CTNNA3: variants seen among roughly 807,000 people sequenced by gnomAD.
CTNNA3 encodes the protein catenin alpha 3, also known as catenin alpha-3.
A neutral mutation model predicts 95.7 loss-of-function variants in CTNNA3; 76 were observed. The ratio of observed to expected loss-of-function variants is 0.79; its 90% confidence interval spans 0.66 to 0.96. The LOEUF (loss-of-function observed/expected upper bound fraction) is 0.96, where lower values mean the gene tolerates loss of function less well. Among genes scored for constraint, CTNNA3 ranks in the 40% least tolerant of loss-of-function variants. The probability of loss-of-function intolerance (pLI) is 0.00; values close to 1 mark genes in which losing one functional copy is unlikely to be tolerated. For missense variants in CTNNA3, 1,191 were observed against 1,089.8 expected, an observed-to-expected ratio of 1.09 and a Z score of -1.31; for synonymous variants, 431 against 374.4, an observed-to-expected ratio of 1.15 and a Z score of -1.74.
chr10:66,631,471 C>T (rs4746607), intron 9 of CTNNA3, among the ~76,000 whole-genome samples: 56,715 of 151,876 alleles, frequency 0.37, 10,771 homozygotes, highest in Middle Eastern at 0.51. Flanking sequence ...TGACTCATGA[C>T]TGAGAGATCT....
intron 5 of CTNNA3, among the ~76,000 whole-genome samples, chr10:67,353,243 T>C (rs1013616169): frequency 2.0e-5 from 3 of 151,930 alleles, no homozygotes; most frequent in Admixed American, 1.3e-4. Context: ...TCCCACTGCA[T>C]GCTAAAATTC....
intron 12 of CTNNA3, among the ~76,000 whole-genome samples, chr10:66,306,512 T>C (rs893638238): frequency 1.6e-4 from 25 of 152,226 alleles, no homozygotes; most frequent in African/African-American, 6.0e-4. Context: ...TTAGAATTTA[T>C]GGCTGTGCCT....
chr10:67,179,888 C>T (rs1197803899), intron 7 of CTNNA3, among the ~76,000 whole-genome samples: 1 of 152,096 alleles, frequency 6.6e-6, no homozygotes, highest in Non-Finnish European at 1.5e-5. Flanking sequence ...TACACGCCTT[C>T]AAACATAGCT....
At chr10:65,923,694 A>G (rs1440726651) in intron 17 of CTNNA3, among the ~76,000 whole-genome samples, 1 of 152,222 alleles carries the variant, frequency 6.6e-6, no homozygotes, top group African/African-American at 2.4e-5. Flanking sequence ...GGCCACTGAT[A>G]TAATTGGCAC....
chr10:65,966,802 A>C, intron 16 of CTNNA3, 56 bp from the exon 17 acceptor site: 7 of 1,405,208 alleles, frequency 5.0e-6, no homozygotes, highest in African/African-American at 1.4e-5. Flanking sequence ...TAGTTAGATC[A>C]AGGTGAGTAA....
chr10:66,306,880 G>C (rs895138535), intron 12 of CTNNA3, among the ~76,000 whole-genome samples: 3 of 152,148 alleles, frequency 2.0e-5, no homozygotes, highest in Non-Finnish European at 4.4e-5. Flanking sequence ...AAAAGTAAGA[G>C]ATTTAATAAG....
At chr10:66,555,145 T>C (rs1842350504) in intron 10 of CTNNA3, among the ~76,000 whole-genome samples, 1 of 152,156 alleles carries the variant, frequency 6.6e-6, no homozygotes, top group Non-Finnish European at 1.5e-5. Context: ...GTCAGCGTAG[T>C]CTGGTTTCAT....
At chr10:66,289,399 A>G (rs1279409940) in intron 12 of CTNNA3, among the ~76,000 whole-genome samples, 1 of 106,188 alleles carries the variant, frequency 9.4e-6, no homozygotes, top group African/African-American at 3.7e-5. Context: ...CCTGTATTTG[A>G]TATTCATTTA....
At chr10:66,321,993 C>T (rs1471784949) in intron 12 of CTNNA3, among the ~76,000 whole-genome samples, 1 of 152,084 alleles carries the variant, frequency 6.6e-6, no homozygotes, top group East Asian at 1.9e-4. Context: ...CACCCTGGAA[C>T]ACTGAAAGTG....
At chr10:65,935,377 T>C (rs909570964) in intron 17 of CTNNA3, among the ~76,000 whole-genome samples, 13 of 152,168 alleles carry the variant, frequency 8.5e-5, no homozygotes, top group African/African-American at 2.9e-4. Flanking sequence ...CTGCTTATAA[T>C]CATGCCATGC....
At chr10:67,390,521 T>C (rs1251491693) in intron 5 of CTNNA3, among the ~76,000 whole-genome samples, 1,888 of 151,748 alleles carry the variant, frequency 0.012, 39 homozygotes, top group African/African-American at 0.041. Flanking sequence ...TTCCAATCAA[T>C]AGAAAAAGAG....
At chr10:66,199,499 A>C (rs2087179667) in intron 13 of CTNNA3, among the ~76,000 whole-genome samples, 1 of 151,598 alleles carries the variant, frequency 6.6e-6, no homozygotes, top group Non-Finnish European at 1.5e-5. Context: ...AGTGCTATGT[A>C]TGTATGGTCT....
At chr10:66,129,864 T>C (rs969808848) in intron 13 of CTNNA3, among the ~76,000 whole-genome samples, 1 of 152,070 alleles carries the variant, frequency 6.6e-6, no homozygotes, top group Non-Finnish European at 1.5e-5. Flanking sequence ...CCAGTGCCTA[T>C]GTGTGCCCTT....
At chr10:67,206,839 A>G (rs926363395) in intron 6 of CTNNA3, among the ~76,000 whole-genome samples, 1 of 151,882 alleles carries the variant, frequency 6.6e-6, no homozygotes, top group Non-Finnish European at 1.5e-5. Context: ...TATCCCATAA[A>G]AACTAAAACC....
intron 14 of CTNNA3, among the ~76,000 whole-genome samples, chr10:66,072,765 G>C (rs1432415843): frequency 6.6e-6 from 1 of 151,858 alleles, no homozygotes; most frequent in Admixed American, 6.6e-5. Context: ...TGCCAAACGC[G>C]CATCTCCCAA....
intron 5 of CTNNA3, among the ~76,000 whole-genome samples, chr10:67,381,794 C>A (rs1336844842): frequency 6.6e-6 from 1 of 152,206 alleles, no homozygotes; most frequent in Non-Finnish European, 1.5e-5. Flanking sequence ...AACGCTCACT[C>A]AGAAATAGCA....
intron 7 of CTNNA3, among the ~76,000 whole-genome samples, chr10:66,876,699 C>A (rs1844637001): frequency 9.4e-6 from 1 of 106,502 alleles, no homozygotes; most frequent in African/African-American, 3.5e-5. Flanking sequence ...TTAACCTTAG[C>A]AGGATCAAGA....
At chr10:67,607,988 G>T (rs1022792790) in intron 2 of CTNNA3, among the ~76,000 whole-genome samples, 1 of 152,186 alleles carries the variant, frequency 6.6e-6, no homozygotes, top group East Asian at 1.9e-4. Flanking sequence ...AAAATGTAAG[G>T]TTCAGTAAAT....
intron 7 of CTNNA3, among the ~76,000 whole-genome samples, chr10:66,972,158 ATAG>A (rs990039271): frequency 3.9e-5 from 6 of 152,164 alleles, no homozygotes; most frequent in African/African-American, 1.4e-4. Context: ...TTAACAACAT[ATAG>A]TCAATTTATT....
Sources: gnomAD v4.1 joint callset for allele counts (sites outside exome capture counted in the v4.1 genomes callset) on GRCh38, gnomAD v4.1.1 for gene constraint, MANE v1.5 for transcripts, NCBI Gene and HGNC (gene_info 2026-07-23, HGNC 2026-07-21) for gene names.